Variants in BARD1 observed in about 807,000 individuals in gnomAD.
BARD1 encodes the protein BRCA1 associated RING domain 1.
A neutral mutation model predicts 77.0 loss-of-function variants in BARD1; 73 were observed. The observed-to-expected ratio is 0.95, with a 90% CI of 0.79 to 1.15. The LOEUF (loss-of-function observed/expected upper bound fraction) is 1.15, where lower values mean the gene tolerates loss of function less well. Ranked by LOEUF, BARD1 falls within the 50% of genes most tolerant of loss-of-function variation. The pLI is 0.00. For synonymous variants in BARD1, 384 were observed against 338.0 expected (o/e 1.14, Z -1.49); for missense variants, 993 against 938.8 (o/e 1.06, Z -0.75).
chr2:214,779,244 T>C (rs1694869317), intron 4 of BARD1, among the ~76,000 whole-genome samples: 1 of 152,140 alleles, frequency 6.6e-6, no homozygotes, highest in Admixed American at 6.6e-5. Flanking sequence ...TCCCAGCAGA[T>C]ACCAAAATCC....
chr2:214,765,682 C>T (rs1485803860), intron 6 of BARD1, among the ~76,000 whole-genome samples: 2 of 152,132 alleles, frequency 1.3e-5, no homozygotes, highest in African/African-American at 4.8e-5. Flanking sequence ...ATGGGAGGGT[C>T]ATATCGGTTA....
chr2:214,730,926 T>G, intron 9 of BARD1: 1 of 456,546 alleles, frequency 2.2e-6, no homozygotes, highest in Non-Finnish European at 4.4e-6. Context: ...CTGCTCATTT[T>G]GACAGTTATA....
chr2:214,741,109 C>G (rs1222221352), intron 9 of BARD1, among the ~76,000 whole-genome samples: 1 of 151,910 alleles, frequency 6.6e-6, no homozygotes, highest in Admixed American at 6.6e-5. Context: ...TCAGCTAAAA[C>G]AAAAATGAAA....
At chr2:214,799,686 A>C (rs1695927313) in intron 1 of BARD1, among the ~76,000 whole-genome samples, 1 of 152,182 alleles carries the variant, frequency 6.6e-6, no homozygotes, top group East Asian at 1.9e-4. Flanking sequence ...CTACACATGA[A>C]CAGGTAATCT....
intron 4 of BARD1, among the ~76,000 whole-genome samples, chr2:214,776,068 G>T (rs1694725351): frequency 6.6e-6 from 1 of 152,160 alleles, no homozygotes; most frequent in African/African-American, 2.4e-5. Flanking sequence ...ACCATGCCTT[G>T]TAAGTTGCAT....
intron 2 of BARD1, 143 bp from the exon 3 acceptor site, chr2:214,792,588 GT>G (rs1351170096): frequency 6.1e-6 from 5 of 817,512 alleles, no homozygotes; most frequent in Non-Finnish European, 9.2e-6. Flanking sequence ...GTTGAATACT[GT>G]TTTAAAGAGT....
chr2:214,730,417 T>G lies in BARD1; in HGVS notation c.1995A>C (p.Glu665Asp). The G allele has an allele frequency of 6.2e-7, 1 of 1,612,096 alleles. No individual in the cohort carries two copies. The highest frequency in any genetic ancestry group is 8.5e-7 in the Non-Finnish European group (1 of 1,178,258). ...TGTATTAAAAGAAAAATACCAGCTG[T>G]TCTCTGTTGAGCCTGCTTCTGCGTG... ...EGPRRSRLNR[E>D]QLLPKLFDGC... The change falls in exon 10 of 11, where the codon GAA becomes GAC. Residue 665 changes from glutamate to aspartate, a missense_variant. Coordinates refer to ENST00000260947, the MANE Select transcript of BARD1 (RefSeq NM_000465.4).
chr2:214,745,045 T>C, intron 9 of BARD1, 22 bp downstream of exon 9: 1 of 1,595,240 alleles, frequency 6.3e-7, no homozygotes, highest in Non-Finnish European at 8.6e-7. Context: ...CATTTCTTAA[T>C]TCTCTCAAAT....
chr2:214,787,845 G>A (rs1484624780), intron 3 of BARD1, among the ~76,000 whole-genome samples: 1 of 151,934 alleles, frequency 6.6e-6, no homozygotes, highest in Admixed American at 6.6e-5. Flanking sequence ...TGTACACTGT[G>A]TGCCTTTCAA....
At position 214,786,410 on chromosome 2, in the gene BARD1, T is replaced by C. The variant is rs577843332; in HGVS notation, c.365-4901A>G. ...TGTTTTACCAGCTTAAAATTATTAA[T>C]ACACCAGAAGATTGTTAATGATCAT... On this transcript the variant is annotated intron_variant, in intron 3 of 10. Transcript: ENST00000260947. Among the ~76,000 whole-genome samples the C allele has an allele frequency of 5.9e-5, 9 of 152,118 alleles. No individual in the cohort carries two copies. In the East Asian group the frequency reaches 1.7e-3, roughly 29 times the overall value.
Position 214,745,752 on chromosome 2 carries a change from C to G in BARD1, c.1780G>C (p.Ala594Pro). The G allele has an allele frequency of 6.2e-7, 1 of 1,613,990 alleles. No homozygotes were observed. Among genetic ancestry groups the G allele is most frequent in the East Asian group, 2.2e-5 (1 of 44,838 alleles). The change falls in exon 8 of 11, where the codon GCT (alanine) becomes CCT (proline). Residue 594 changes from alanine to proline, a missense_variant. Transcript: ENST00000260947. ...CTGTCAAACTCAGTATATTTTTTAG[C>G]CTTAAGAATTACTGCAAGCTCACTG... is the stretch of plus-strand genomic sequence containing the variant. ...MLSELAVILK[A>P]KKYTEFDSTV...
intron 5 of BARD1, among the ~76,000 whole-genome samples, chr2:214,768,742 C>A (rs1394575711): frequency 6.6e-6 from 1 of 152,174 alleles, no homozygotes; most frequent in African/African-American, 2.4e-5. Context: ...TAATAATAAG[C>A]AAAGACCTTT....
At chr2:214,737,751 T>A (rs1414447486) in intron 9 of BARD1, among the ~76,000 whole-genome samples, 2 of 152,184 alleles carry the variant, frequency 1.3e-5, no homozygotes, top group African/African-American at 2.4e-5. Flanking sequence ...GCCTAAATAA[T>A]GACTAACATT....
At position 214,775,922 on chromosome 2, in the gene BARD1, T is replaced by C. The variant is rs548522540; in HGVS notation, c.1314+4638A>G. Among the ~76,000 whole-genome samples, 4 of 152,322 alleles carry C rather than the reference T, an allele frequency of 2.6e-5. No individual in the cohort carries two copies. In the East Asian group the frequency reaches 7.7e-4, roughly 29 times the overall value. On this transcript the variant is annotated intron_variant, in intron 4 of 10. Coordinates refer to ENST00000260947, the MANE Select transcript of BARD1 (RefSeq NM_000465.4). ...TCTCATGAAGCTACTATGAAGGATATATAATTTCACACACAATATAACATG... is the reference window on the plus strand; with the variant it reads ...TCTCATGAAGCTACTATGAAGGATACATAATTTCACACACAATATAACATG...
intron 2 of BARD1, chr2:214,796,797 G>C (rs535374731): frequency 2.2e-6 from 1 of 464,122 alleles, no homozygotes. Flanking sequence ...TTATATAAAA[G>C]GCATTAATTT....
intron 3 of BARD1, 44 bp downstream of exon 3, chr2:214,792,253 T>A: frequency 6.4e-7 from 1 of 1,572,736 alleles, no homozygotes; most frequent in South Asian, 1.1e-5. Context: ...TTCATCAGTT[T>A]TTAACTGATG....
intron 7 of BARD1, among the ~76,000 whole-genome samples, chr2:214,752,012 C>G (rs1480090897): frequency 6.6e-6 from 1 of 152,208 alleles, no homozygotes; most frequent in Non-Finnish European, 1.5e-5. Flanking sequence ...CTTTAAGGCT[C>G]CACTCTGTGA....
intron 2 of BARD1, 193 bp downstream of exon 2, chr2:214,796,866 CTT>C: frequency 1.7e-6 from 1 of 592,594 alleles, no homozygotes; most frequent in Non-Finnish European, 3.0e-6. Flanking sequence ...AAGTCATCCT[CTT>C]TGAGCTTTGG....
chr2:214,794,585 A>ATTT (rs1553625233), intron 2 of BARD1, among the ~76,000 whole-genome samples: 2 of 151,754 alleles, frequency 1.3e-5, no homozygotes, highest in African/African-American at 4.8e-5. Context: ...TTTTAAATTA[A>ATTT]TTTTTTTAAA....
Sources: gnomAD v4.1 joint callset for allele counts (sites outside exome capture counted in the v4.1 genomes callset) on GRCh38, gnomAD v4.1.1 for gene constraint, MANE v1.5 for transcripts, NCBI Gene and HGNC (gene_info 2026-07-23, HGNC 2026-07-21) for gene names.